Variants in SDK1 observed in about 807,000 individuals in gnomAD.
The protein encoded by SDK1 is protein sidekick-1.
In SDK1, 157 loss-of-function variants were observed where a neutral mutation model predicts 245.5. The observed-to-expected ratio is 0.64, with a 90% CI of 0.56 to 0.73. The LOEUF (loss-of-function observed/expected upper bound fraction) is 0.73. Among genes scored for constraint, SDK1 ranks in the 30% least tolerant of loss-of-function variants. The probability of loss-of-function intolerance (pLI) is 0.00; values close to 1 mark genes in which losing one functional copy is unlikely to be tolerated. For missense variants in SDK1, 3,583 were observed against 3,002.3 expected (o/e 1.19, Z -4.52); for synonymous variants, 1,647 against 1,278.5 (o/e 1.29, Z -6.15).
At chr7:3,909,472 A>G (rs1779078590) in intron 5 of SDK1, among the ~76,000 whole-genome samples, 1 of 152,114 alleles carries the variant, frequency 6.6e-6, no homozygotes, top group African/African-American at 2.4e-5. Context: ...TCAGGTTCAT[A>G]TGGCCACACA....
chr7:3,870,607 G>C lies in SDK1; in HGVS notation c.847+49024G>C, dbSNP rs537284011. On this transcript the variant is annotated intron_variant, in intron 5 of 44. Coordinates refer to ENST00000404826, the MANE Select transcript of SDK1 (RefSeq NM_152744.4). ...AAACTTTTAATTTTAAATAATTTTA[G>C]ATTTACAGAAGAGTTGCAAAGTTAG... 8.9e-4 allele frequency among the ~76,000 whole-genome samples: 135 copies of C among 152,038 alleles called. 1 individual carries two copies. The highest frequency in any genetic ancestry group is 1.6e-3 in the Admixed American group (24 of 15,276).
intron 25 of SDK1, among the ~76,000 whole-genome samples, chr7:4,116,820 C>T (rs1783743501): frequency 6.6e-6 from 1 of 152,208 alleles, no homozygotes; most frequent in Admixed American, 6.5e-5. Context: ...CCCGGAAGAG[C>T]AGCCGTGGTG....
At chr7:3,541,164 T>C (rs547218736) in intron 1 of SDK1, among the ~76,000 whole-genome samples, 2 of 152,394 alleles carry the variant, frequency 1.3e-5, no homozygotes, top group African/African-American at 2.4e-5. Flanking sequence ...AGTATAACTA[T>C]ATCCTGTCTA....
chr7:3,344,881 C>T (rs183525283), intron 1 of SDK1, among the ~76,000 whole-genome samples: 3 of 152,168 alleles, frequency 2.0e-5, no homozygotes, highest in Non-Finnish European at 4.4e-5. Flanking sequence ...TACTGCCAGT[C>T]TTACTGTTGT....
At chr7:4,027,008 T>C (rs957662162) in intron 17 of SDK1, among the ~76,000 whole-genome samples, 8 of 152,182 alleles carry the variant, frequency 5.3e-5, no homozygotes, top group African/African-American at 1.9e-4. Flanking sequence ...GTTTAAACCA[T>C]GTACATTTGG....
intron 5 of SDK1, among the ~76,000 whole-genome samples, chr7:3,843,721 G>A (rs1397128211): frequency 6.6e-6 from 1 of 152,214 alleles, no homozygotes; most frequent in Non-Finnish European, 1.5e-5. Context: ...GCCTGACGAT[G>A]AAGCCATCGG....
chr7:3,472,325 G>A (rs376375249), intron 1 of SDK1, among the ~76,000 whole-genome samples: 17 of 152,164 alleles, frequency 1.1e-4, no homozygotes, highest in Admixed American at 4.6e-4. Context: ...CTCATTTTGT[G>A]CAATTTTATT....
At chr7:4,240,368 T>C (rs1258200034) in intron 42 of SDK1, among the ~76,000 whole-genome samples, 1 of 151,768 alleles carries the variant, frequency 6.6e-6, no homozygotes, top group East Asian at 1.9e-4. Flanking sequence ...TAAACCTCTG[T>C]TGTGATGGCC....
chr7:3,642,680 G>C (rs988301464), intron 4 of SDK1: 2 of 152,142 alleles, frequency 1.3e-5, no homozygotes. Context: ...TTGAAATAAT[G>C]CTTATCTCAC....
chr7:3,880,867 T>C (rs887649686), intron 5 of SDK1, among the ~76,000 whole-genome samples: 1 of 152,076 alleles, frequency 6.6e-6, no homozygotes, highest in Non-Finnish European at 1.5e-5. Context: ...GAAATCTTTA[T>C]GTAGCATGGG....
At chr7:4,248,237 C>T (rs933349500) in intron 44 of SDK1, among the ~76,000 whole-genome samples, 1 of 151,916 alleles carries the variant, frequency 6.6e-6, no homozygotes, top group Non-Finnish European at 1.5e-5. Context: ...TGCATACACA[C>T]ATGCATACCT....
intron 5 of SDK1, among the ~76,000 whole-genome samples, chr7:3,922,985 T>C (rs79059714): frequency 0.011 from 1,676 of 152,346 alleles, 23 homozygotes; most frequent in South Asian, 0.036. Flanking sequence ...AGAAAACTCT[T>C]GATTCCAGCC....
chr7:4,162,493 G>C (rs1031125521), intron 32 of SDK1, among the ~76,000 whole-genome samples: 2 of 151,636 alleles, frequency 1.3e-5, no homozygotes, highest in African/African-American at 4.8e-5. Flanking sequence ...TCTGCCTCCC[G>C]TGTTCAAGCG....
chr7:3,798,776 C>T (rs535028747), intron 4 of SDK1, among the ~76,000 whole-genome samples: 2 of 152,294 alleles, frequency 1.3e-5, no homozygotes, highest in East Asian at 3.9e-4. Flanking sequence ...TAAGCCCCCT[C>T]CTACTAGAAG....
intron 32 of SDK1, among the ~76,000 whole-genome samples, chr7:4,163,243 G>T (rs1781279304): frequency 6.6e-6 from 1 of 152,124 alleles, no homozygotes; most frequent in African/African-American, 2.4e-5. Flanking sequence ...CTGGGAGCTG[G>T]GGTCAGGAGG....
At chr7:3,782,806 A>C (rs1439320049) in intron 4 of SDK1, among the ~76,000 whole-genome samples, 1 of 152,250 alleles carries the variant, frequency 6.6e-6, no homozygotes, top group African/African-American at 2.4e-5. Context: ...CATTATTGTA[A>C]AGTTGAAAAA....
chr7:4,196,745 G>A (rs967051119), intron 35 of SDK1, among the ~76,000 whole-genome samples: 5 of 152,236 alleles, frequency 3.3e-5, no homozygotes, highest in Admixed American at 3.3e-4. Context: ...CATGCACCAC[G>A]TGAGGACAAG....
intron 1 of SDK1, among the ~76,000 whole-genome samples, chr7:3,399,007 G>C (rs914831483): frequency 6.6e-6 from 1 of 151,952 alleles, no homozygotes; most frequent in African/African-American, 2.4e-5. Context: ...TGGGACTTCC[G>C]AGCTCTTTAC....
intron 1 of SDK1, among the ~76,000 whole-genome samples, chr7:3,403,998 T>C (rs1195467194): frequency 1.3e-5 from 2 of 151,006 alleles, no homozygotes; most frequent in African/African-American, 4.9e-5. Context: ...GGTTTCCCAG[T>C]GCATATAAAA....
Sources: allele counts gnomAD v4.1 joint callset (sites outside exome capture counted in the v4.1 genomes callset), GRCh38; gene constraint gnomAD v4.1.1; transcripts MANE v1.5; gene names NCBI Gene and HGNC (gene_info 2026-07-23, HGNC 2026-07-21).